SPATA13: variants seen among roughly 807,000 people sequenced by gnomAD.
The protein encoded by SPATA13 is spermatogenesis associated 13.
In SPATA13, 50 loss-of-function variants were observed where a neutral mutation model predicts 104.0. The ratio of observed to expected loss-of-function variants is 0.48; its 90% CI spans 0.38 to 0.61. SPATA13 has a LOEUF of 0.61. Ranked by LOEUF, SPATA13 falls within the 20% of genes least tolerant of loss-of-function variation. The pLI is 0.00. For missense variants in SPATA13, 1,524 were observed against 1,690.6 expected (o/e 0.90, Z 1.73); for synonymous variants, 606 against 667.5 (o/e 0.91, Z 1.42).
chr13:24,149,704 C>A (rs1228175003), intron 3 of SPATA13, among the ~76,000 whole-genome samples: 2 of 152,298 alleles, frequency 1.3e-5, no homozygotes, highest in Admixed American at 6.5e-5. Flanking sequence ...AAGCTCCCAC[C>A]CATGTGGGGA....
At chr13:24,159,448 G>A (rs77291503), upstream of SPATA13, among the ~76,000 whole-genome samples, 3,732 of 152,212 alleles carry the variant, frequency 0.025, 70 homozygotes, top group Middle Eastern at 0.058. Context: ...GCAGTTTTAG[G>A]TTTAGAAAAC....
At chr13:24,024,005 G>A (rs1298450545) in intron 3 of SPATA13, among the ~76,000 whole-genome samples, 1 of 152,214 alleles carries the variant, frequency 6.6e-6, no homozygotes, top group Non-Finnish European at 1.5e-5. Context: ...TACTGCAATA[G>A]TCCATGACGG....
chr13:24,062,665 A>G (rs1878813688), intron 3 of SPATA13, among the ~76,000 whole-genome samples: 1 of 152,066 alleles, frequency 6.6e-6, no homozygotes, highest in African/African-American at 2.4e-5. Context: ...GACCCAGTGA[A>G]GTATCCTCAT....
rs139206531 is a variant in SPATA13, at chr13:24,094,684, A to G, written c.-112+76983A>G. Reference sequence around the variant, plus strand: ...TGAGGCAGGAAGATTGCCTGAGCCCAGGAGTTTGAGGTTACAGTAAACTAT... The same window carrying G: ...TGAGGCAGGAAGATTGCCTGAGCCCGGGAGTTTGAGGTTACAGTAAACTAT... On this transcript the variant is annotated intron_variant, in intron 3 of 14. Coordinates refer to the SPATA13 transcript ENST00000424834. Among the ~76,000 whole-genome samples, 565 of 152,320 alleles carry G rather than the reference A, an allele frequency of 3.7e-3. 3 individuals are homozygous for G. Among genetic ancestry groups the G allele is most frequent in the African/African-American group, 0.013 (531 of 41,578 alleles).
At chr13:24,189,950 ATAT>A (rs1393361414) in intron 1 of SPATA13, among the ~76,000 whole-genome samples, 1 of 33,284 alleles carries the variant, frequency 3.0e-5, no homozygotes, top group African/African-American at 8.5e-5. Context: ...ATTACATAAT[ATAT>A]TATATAATTA....
At chr13:24,203,094 A>G (rs552204468) in intron 1 of SPATA13, among the ~76,000 whole-genome samples, 23 of 152,002 alleles carry the variant, frequency 1.5e-4, no homozygotes, top group Non-Finnish European at 3.2e-4. Context: ...TAAGCCCAGC[A>G]TCCATTAGCT....
chr13:24,063,418 T>C (rs572408319), intron 3 of SPATA13, among the ~76,000 whole-genome samples: 52 of 152,322 alleles, frequency 3.4e-4, no homozygotes, highest in Admixed American at 1.1e-3. Context: ...CTTATTGAGT[T>C]ATCACAGTGC....
In SPATA13 at chr13:24,223,675, AC is replaced by A; in HGVS notation, c.747del (p.Tyr249Ter). 2 of 1,552,232 alleles carry A rather than the reference AC, an allele frequency of 1.3e-6. No homozygotes were observed. The highest frequency in any genetic ancestry group is 1.7e-6 in the Non-Finnish European group (2 of 1,147,118). Reference protein sequence around the residue: ...VRDPENNSMGYRRSKSTDNLA... With the variant: ...VRDPENNSMGXRRSKSTDNLA... ...GACCCTGAAAACAACAGCATGGGCTACAGGAGGAGCAAGAGCACGGACAATC... is the reference window on the plus strand; with the variant it reads ...GACCCTGAAAACAACAGCATGGGCTAAGGAGGAGCAAGAGCACGGACAATC... On this transcript the variant is annotated frameshift_variant, in exon 2 of 13. Coordinates refer to ENST00000382108, the MANE Select transcript of SPATA13 (RefSeq NM_001166271.3). LOFTEE classifies it high-confidence loss of function.
intron 3 of SPATA13, among the ~76,000 whole-genome samples, chr13:24,103,329 G>A (rs140720484): frequency 6.6e-6 from 1 of 151,854 alleles, no homozygotes; most frequent in African/African-American, 2.4e-5. Context: ...GTCCTATCAT[G>A]TACAGTATAG....
At chr13:24,096,157 T>C (rs1880073956) in intron 3 of SPATA13, among the ~76,000 whole-genome samples, 1 of 152,224 alleles carries the variant, frequency 6.6e-6, no homozygotes, top group Admixed American at 6.5e-5. Context: ...GCCTGGTGCC[T>C]GACTTGTTCT....
At chr13:24,225,120 C>T (rs1871855988) in intron 2 of SPATA13, among the ~76,000 whole-genome samples, 1 of 152,226 alleles carries the variant, frequency 6.6e-6, no homozygotes, top group South Asian at 2.1e-4. Context: ...CCACTAGCCT[C>T]GTTCCACCCA....
At chr13:24,212,010 A>G (rs1871046794) in intron 1 of SPATA13, among the ~76,000 whole-genome samples, 1 of 152,176 alleles carries the variant, frequency 6.6e-6, no homozygotes, top group South Asian at 2.1e-4. Context: ...GCTGTTCGCC[A>G]TTCCCCTACT....
At chr13:24,296,954 G>A (rs9580924) in intron 10 of SPATA13, among the ~76,000 whole-genome samples, 11,331 of 152,268 alleles carry the variant, frequency 0.074, 475 homozygotes, top group Non-Finnish European at 0.099. Context: ...GAAAGATTCT[G>A]TGTTAGGAGT....
chr13:24,047,654 G>A (rs908490049), intron 3 of SPATA13, among the ~76,000 whole-genome samples: 4 of 152,232 alleles, frequency 2.6e-5, no homozygotes, highest in African/African-American at 9.6e-5. Flanking sequence ...CCAATATAGT[G>A]TGGGAGTTCT....
At chr13:24,114,070 T>C (rs1341373899) in intron 3 of SPATA13, among the ~76,000 whole-genome samples, 1 of 152,116 alleles carries the variant, frequency 6.6e-6, no homozygotes, top group East Asian at 1.9e-4. Context: ...TTCTTATTAG[T>C]GCTTATCTAA....
chr13:24,074,407 T>C (rs1879259463), intron 3 of SPATA13, among the ~76,000 whole-genome samples: 1 of 152,236 alleles, frequency 6.6e-6, no homozygotes. Context: ...CATTCATCCA[T>C]TGATGGACAC....
chr13:24,127,922 C>A (rs779575549), intron 3 of SPATA13, among the ~76,000 whole-genome samples: 1 of 152,180 alleles, frequency 6.6e-6, no homozygotes, highest in Non-Finnish European at 1.5e-5. Context: ...CTCATGCCTC[C>A]GTTGGCAGAA....
At chr13:24,241,024 AC>A (rs1266529604) in intron 2 of SPATA13, among the ~76,000 whole-genome samples, 2 of 152,176 alleles carry the variant, frequency 1.3e-5, no homozygotes, top group African/African-American at 4.8e-5. Flanking sequence ...AAATGATGTC[AC>A]GATTACTGAC....
chr13:24,161,797 C>A lies in SPATA13; in HGVS notation c.-112+865C>A, dbSNP rs922828378. On this transcript the variant is annotated intron_variant, in intron 1 of 12. Coordinates refer to ENST00000382108, the MANE Select transcript of SPATA13 (RefSeq NM_001166271.3). The surrounding 1 kb of genome is among the most constrained non-coding windows in gnomAD (Gnocchi z 4.5). ...AATAATACTGTGAATTTATTCAGCT[C>A]TTGTTCCCATGGCTTCCCATAGCCT... Among the ~76,000 whole-genome samples the A allele has an allele frequency of 1.3e-5, 2 of 152,220 alleles. No homozygotes were observed. The highest frequency in any genetic ancestry group is 4.8e-5 in the African/African-American group (2 of 41,462).
Sources: allele counts gnomAD v4.1 joint callset (sites outside exome capture counted in the v4.1 genomes callset), GRCh38; gene constraint gnomAD v4.1.1; non-coding constraint Gnocchi (gnomAD v3.1); transcripts MANE v1.5; gene names NCBI Gene and HGNC (gene_info 2026-07-23, HGNC 2026-07-21).